CARMIL1: variants seen among roughly 807,000 people sequenced by gnomAD.
CARMIL1 encodes F-actin-uncapping protein LRRC16A.
CARMIL1 carries 90 observed loss-of-function variants against 177.1 expected under a neutral mutation model. The ratio of observed to expected loss-of-function variants is 0.51; its 90% confidence interval spans 0.43 to 0.61. The LOEUF (loss-of-function observed/expected upper bound fraction) is 0.61. CARMIL1 is among the 20% of genes least tolerant of loss of function. The pLI is 0.00. For missense variants in CARMIL1, 1,380 were observed against 1,667.0 expected, an observed-to-expected ratio of 0.83 and a Z score of 3.00; for synonymous variants, 577 against 606.2, an observed-to-expected ratio of 0.95 and a Z score of 0.71.
intron 2 of CARMIL1, among the ~76,000 whole-genome samples, chr6:25,362,465 C>T (rs1004751044): frequency 5.3e-5 from 8 of 151,646 alleles, no homozygotes; most frequent in East Asian, 3.9e-4. Flanking sequence ...ACCTGAGGTC[C>T]GGAGTTTGAG....
chr6:25,414,184 C>T (rs72831240), intron 2 of CARMIL1, among the ~76,000 whole-genome samples: 20,083 of 152,092 alleles, frequency 0.13, 1,642 homozygotes, highest in East Asian at 0.23. Context: ...ATCTGTAATT[C>T]TGTAATCTCT....
At chr6:25,547,794 G>A (rs1274661907) in intron 26 of CARMIL1, among the ~76,000 whole-genome samples, 3 of 152,134 alleles carry the variant, frequency 2.0e-5, no homozygotes, top group Non-Finnish European at 4.4e-5. Context: ...CCCAAAAATG[G>A]GTAAAAGTCA....
intron 2 of CARMIL1, among the ~76,000 whole-genome samples, chr6:25,348,418 C>T (rs1249722643): frequency 6.6e-6 from 1 of 152,028 alleles, no homozygotes; most frequent in Non-Finnish European, 1.5e-5. Context: ...AGGCGTGAGC[C>T]ACTGTGCCTT....
chr6:25,367,660 A>G (rs1789966250), intron 2 of CARMIL1, among the ~76,000 whole-genome samples: 1 of 152,066 alleles, frequency 6.6e-6, no homozygotes, highest in African/African-American at 2.4e-5. Flanking sequence ...TAAGGAAGTA[A>G]TTCATATTTT....
At chr6:25,313,576 G>A (rs1026499719) in intron 2 of CARMIL1, among the ~76,000 whole-genome samples, 1 of 151,576 alleles carries the variant, frequency 6.6e-6, no homozygotes, top group Non-Finnish European at 1.5e-5. Context: ...GAGGGGCAGG[G>A]CCAGGGCCAC....
intron 4 of CARMIL1, 103 bp from the exon 5 acceptor site, chr6:25,435,380 A>G (rs1240159926): frequency 2.4e-5 from 32 of 1,309,558 alleles, no homozygotes; most frequent in Non-Finnish European, 3.0e-5. Flanking sequence ...CTAATATTGT[A>G]TTAGTATATA....
At chr6:25,362,524 A>G (rs1181342996) in intron 2 of CARMIL1, among the ~76,000 whole-genome samples, 1 of 152,156 alleles carries the variant, frequency 6.6e-6, no homozygotes, top group African/African-American at 2.4e-5. Flanking sequence ...AAATTACAAA[A>G]TTATCTGGGC....
intron 8 of CARMIL1, among the ~76,000 whole-genome samples, chr6:25,461,926 TA>T (rs1189010943): frequency 1.3e-5 from 2 of 152,206 alleles, no homozygotes; most frequent in African/African-American, 4.8e-5. Flanking sequence ...TTTCTAATGC[TA>T]CTAATTGTGA....
At position 25,449,947 on chromosome 6, in the gene CARMIL1, C is replaced by G. The variant is rs750227620; in HGVS notation, c.421C>G (p.Leu141Val). ...GGAGCCATCTGAGCGCCTGGCTAGTCTCCAGGCGCTGTGGGACAGCCAGAC... is the reference window on the plus strand; with the variant it reads ...GGAGCCATCTGAGCGCCTGGCTAGTGTCCAGGCGCTGTGGGACAGCCAGAC... The part of the protein sequence containing the change: ...SMEPSERLAS[L>V]QALWDSQTVA... The change falls in exon 6 of 37, where the codon CTC becomes GTC. Residue 141 changes from leucine (L) to valine (V), a missense_variant. Transcript: ENST00000329474. 20 of 1,612,058 alleles carry G rather than the reference C, an allele frequency of 1.2e-5. No individual in the cohort carries two copies. In the East Asian group the frequency reaches 2.9e-4, roughly 23 times the overall value.
At chr6:25,407,275 G>A (rs1275106310) in intron 2 of CARMIL1, among the ~76,000 whole-genome samples, 1 of 152,110 alleles carries the variant, frequency 6.6e-6, no homozygotes, top group Non-Finnish European at 1.5e-5. Context: ...TAGGATCCAG[G>A]CATATAGCTC....
chr6:25,580,733 T>G (rs1813045401), intron 29 of CARMIL1, among the ~76,000 whole-genome samples, 191 bp from the exon 30 acceptor site: 1 of 152,142 alleles, frequency 6.6e-6, no homozygotes, highest in Admixed American at 6.5e-5. Context: ...AACAAAGAGG[T>G]TAGCTGTATC....
intron 2 of CARMIL1, among the ~76,000 whole-genome samples, chr6:25,364,096 C>G (rs1789510253): frequency 6.6e-6 from 1 of 151,858 alleles, no homozygotes; most frequent in African/African-American, 2.4e-5. Flanking sequence ...CAGGCATGCA[C>G]TACCATACCC....
At chr6:25,381,178 A>G (rs1029372939) in intron 2 of CARMIL1, among the ~76,000 whole-genome samples, 1 of 152,206 alleles carries the variant, frequency 6.6e-6, no homozygotes, top group Non-Finnish European at 1.5e-5. Flanking sequence ...CAAATTATAA[A>G]CAAGCACCAC....
At chr6:25,523,306 G>A (rs770338674) in intron 23 of CARMIL1, among the ~76,000 whole-genome samples, 3 of 152,076 alleles carry the variant, frequency 2.0e-5, no homozygotes, top group Non-Finnish European at 2.9e-5. Flanking sequence ...ATAAAGCTAT[G>A]TAATAACTAT....
intron 16 of CARMIL1, among the ~76,000 whole-genome samples, chr6:25,498,772 T>G (rs919437251): frequency 1.3e-5 from 2 of 152,178 alleles, no homozygotes; most frequent in Non-Finnish European, 2.9e-5. Context: ...AGAACTGGCC[T>G]TTTGGTTTTC....
chr6:25,497,714 C>T (rs1406585589), intron 16 of CARMIL1, among the ~76,000 whole-genome samples: 1 of 152,136 alleles, frequency 6.6e-6, no homozygotes, highest in Non-Finnish European at 1.5e-5. Context: ...AGAGAATAAA[C>T]GAAAGCAACA....
chr6:25,423,997 A>G (rs1290040237), intron 3 of CARMIL1, among the ~76,000 whole-genome samples: 1 of 151,986 alleles, frequency 6.6e-6, no homozygotes. Context: ...CCAGGAGCAA[A>G]GGCCTAATAA....
chr6:25,295,510 C>A (rs548490155), intron 2 of CARMIL1, among the ~76,000 whole-genome samples: 14 of 151,106 alleles, frequency 9.3e-5, no homozygotes, highest in African/African-American at 3.4e-4. Flanking sequence ...TTGAAGGATG[C>A]TTTTTTTTTC....
intron 11 of CARMIL1, among the ~76,000 whole-genome samples, chr6:25,480,081 C>A (rs1157192240): frequency 1.3e-5 from 2 of 152,044 alleles, no homozygotes; most frequent in Non-Finnish European, 2.9e-5. Flanking sequence ...TTCTTTATGG[C>A]TCAGTATATG....
Sources: gnomAD v4.1 joint callset for allele counts (sites outside exome capture counted in the v4.1 genomes callset) on GRCh38, gnomAD v4.1.1 for gene constraint, MANE v1.5 for transcripts, NCBI Gene and HGNC (gene_info 2026-07-23, HGNC 2026-07-21) for gene names.